Variants in CPED1 observed in about 807,000 individuals in gnomAD.
The protein encoded by CPED1 is cadherin-like and PC-esterase domain-containing protein 1.
CPED1 carries 114 observed loss-of-function variants against 128.2 expected under a neutral mutation model. The ratio of observed to expected loss-of-function variants is 0.89; its 90% confidence interval spans 0.76 to 1.04. The LOEUF is 1.04. Among genes scored for constraint, CPED1 ranks in the 50% least tolerant of loss-of-function variants. The probability of loss-of-function intolerance (pLI) is 0.00; values close to 1 mark genes in which losing one functional copy is unlikely to be tolerated. For synonymous variants in CPED1, 462 were observed against 426.7 expected (o/e 1.08, Z -1.02); for missense variants, 1,211 against 1,207.1 (o/e 1.00, Z -0.05).
At chr7:121,259,798 G>T (rs1053292904) in intron 18 of CPED1, among the ~76,000 whole-genome samples, 18 of 151,670 alleles carry the variant, frequency 1.2e-4, no homozygotes, top group African/African-American at 4.1e-4. Context: ...CTGAGAGGAG[G>T]GTGCAATTAA....
intron 16 of CPED1, among the ~76,000 whole-genome samples, chr7:121,200,315 G>C (rs969307913): frequency 2.6e-5 from 4 of 152,066 alleles, no homozygotes; most frequent in African/African-American, 9.7e-5. Context: ...CAGCCTCTCT[G>C]CTGGTGAAAA....
chr7:121,085,416 C>T (rs62472388), intron 5 of CPED1, among the ~76,000 whole-genome samples: 2,146 of 152,216 alleles, frequency 0.014, 32 homozygotes, highest in Middle Eastern at 0.024. Context: ...CAAAATCCTT[C>T]TTTATTATTT....
intron 16 of CPED1, among the ~76,000 whole-genome samples, chr7:121,189,863 G>T (rs1262941781): frequency 1.4e-5 from 2 of 142,524 alleles, no homozygotes; most frequent in East Asian, 4.1e-4. Context: ...TAGATGCAAA[G>T]ATTTATTTAT....
chr7:121,288,861 A>G (rs1038906403), intron 22 of CPED1, among the ~76,000 whole-genome samples: 1 of 152,182 alleles, frequency 6.6e-6, no homozygotes, highest in African/African-American at 2.4e-5. Context: ...CACTAGAATA[A>G]TATTATTTCA....
chr7:121,011,620 G>T (rs1422411108), intron 2 of CPED1, among the ~76,000 whole-genome samples: 1 of 152,062 alleles, frequency 6.6e-6, no homozygotes, highest in Admixed American at 6.6e-5. Flanking sequence ...TGAACAAAAT[G>T]GTCAAAAACA....
rs563731111 is a variant in CPED1 at position 121,090,863 on chromosome 7, C to T, written c.617-6836C>T. Among the ~76,000 whole-genome samples the T allele has an allele frequency of 7.2e-5, 11 of 152,090 alleles. No individual in the cohort carries two copies. The South Asian group carries it at 1.5e-3, about 20-fold the overall frequency. The stretch of plus-strand genomic sequence containing the variant: ...ACTCGAGAGGCTGAGACACAAGAAT[C>T]GCTTGAACCCATAAGGCAGAGGTTG... On this transcript the variant is annotated intron_variant, in intron 5 of 22. Transcript: ENST00000310396.
intron 2 of CPED1, among the ~76,000 whole-genome samples, chr7:120,990,502 T>C (rs1432735238): frequency 6.6e-6 from 1 of 152,066 alleles, no homozygotes; most frequent in Non-Finnish European, 1.5e-5. Flanking sequence ...CTTACTAATC[T>C]TACTTGTCAA....
At chr7:121,006,467 G>A (rs1000299756) in intron 2 of CPED1, among the ~76,000 whole-genome samples, 5 of 152,000 alleles carry the variant, frequency 3.3e-5, no homozygotes, top group African/African-American at 9.7e-5. Flanking sequence ...TAAGTGCTAT[G>A]TGAGTGTCTG....
At chr7:121,022,124 C>A (rs148256035) in intron 3 of CPED1, among the ~76,000 whole-genome samples, 8 of 151,846 alleles carry the variant, frequency 5.3e-5, no homozygotes, top group African/African-American at 1.9e-4. Flanking sequence ...TATAACCACA[C>A]CTTCCACATA....
intron 16 of CPED1, among the ~76,000 whole-genome samples, chr7:121,179,715 A>G (rs987827483): frequency 6.6e-6 from 1 of 152,126 alleles, no homozygotes; most frequent in Non-Finnish European, 1.5e-5. Flanking sequence ...ATAACAGTTT[A>G]TAGTTAGCTT....
At chr7:121,116,228 G>A (rs1795231913) in intron 7 of CPED1, among the ~76,000 whole-genome samples, 1 of 152,156 alleles carries the variant, frequency 6.6e-6, no homozygotes, top group African/African-American at 2.4e-5. Context: ...AAGTACGAAT[G>A]AGTAAAATTA....
chr7:121,102,847 G>C (rs1794888514), intron 7 of CPED1, among the ~76,000 whole-genome samples: 1 of 152,064 alleles, frequency 6.6e-6, no homozygotes, highest in Non-Finnish European at 1.5e-5. Context: ...CCACTGGTCA[G>C]ACCAGTTCAC....
intron 22 of CPED1, among the ~76,000 whole-genome samples, chr7:121,294,462 T>C (rs1792777806): frequency 6.6e-6 from 1 of 152,044 alleles, no homozygotes; most frequent in Non-Finnish European, 1.5e-5. Context: ...GGCCAACAAA[T>C]CCGTTTTCTT....
intron 16 of CPED1, among the ~76,000 whole-genome samples, chr7:121,225,360 C>T (rs551025933): frequency 1.3e-5 from 2 of 152,214 alleles, no homozygotes; most frequent in East Asian, 3.9e-4. Context: ...GTCTGATGGG[C>T]TTCCTTCCCT....
intron 16 of CPED1, among the ~76,000 whole-genome samples, chr7:121,202,919 A>G (rs545386624): frequency 2.0e-5 from 3 of 152,216 alleles, no homozygotes; most frequent in Admixed American, 2.0e-4. Context: ...AGACCCAGTG[A>G]GTTTTCAAAA....
intron 18 of CPED1, among the ~76,000 whole-genome samples, chr7:121,252,964 A>G (rs1798716300): frequency 6.6e-6 from 1 of 152,226 alleles, no homozygotes. Flanking sequence ...ATTACTGGGT[A>G]TATACCCAGA....
intron 5 of CPED1, 152 bp from the exon 6 acceptor site, chr7:121,097,547 C>T (rs1584509295): frequency 1.3e-6 from 1 of 772,488 alleles, no homozygotes; most frequent in East Asian, 2.6e-5. Flanking sequence ...TGCATTCATA[C>T]TTAGTGGATC....
intron 16 of CPED1, among the ~76,000 whole-genome samples, chr7:121,169,420 T>C (rs778558712): frequency 1.9e-4 from 29 of 152,196 alleles, no homozygotes; most frequent in Non-Finnish European, 3.8e-4. Context: ...ATATTAAGAA[T>C]AGGATGGCAT....
At chr7:121,196,189 G>GGGCAATGGA (rs1346808823) in intron 16 of CPED1, among the ~76,000 whole-genome samples, 3 of 151,994 alleles carry the variant, frequency 2.0e-5, no homozygotes, top group Non-Finnish European at 4.4e-5. Flanking sequence ...GAATAGTCCT[G>GGGCAATGGA]GTGAATAAAA....
Sources: gnomAD v4.1 joint callset for allele counts (sites outside exome capture counted in the v4.1 genomes callset) on GRCh38, gnomAD v4.1.1 for gene constraint, MANE v1.5 for transcripts, NCBI Gene and HGNC (gene_info 2026-07-23, HGNC 2026-07-21) for gene names.